The following NKAIN2 variants were observed in gnomAD, a reference collection of about 807,000 sequenced individuals.
NKAIN2 encodes sodium/potassium transporting ATPase interacting 2, also known as sodium/potassium-transporting ATPase subunit beta-1-interacting protein 2.
Under a neutral mutation model 32.6 loss-of-function variants are expected in NKAIN2, and 14 were observed. That is an observed-to-expected ratio of 0.43 (90% CI 0.28 to 0.67). The LOEUF (loss-of-function observed/expected upper bound fraction) is 0.67. NKAIN2 is among the 30% of genes least tolerant of loss of function. NKAIN2 has a pLI of 0.17. For synonymous variants in NKAIN2, 80 were observed against 87.2 expected (o/e 0.92, Z 0.46); for missense variants, 198 against 258.3 (o/e 0.77, Z 1.60).
rs1780405745 is a variant in NKAIN2, at chr6:124,804,115, C to T, written c.535+12716C>T. On this transcript the variant is annotated intron_variant, in intron 5 of 6. Coordinates refer to ENST00000368417, the MANE Select transcript of NKAIN2 (RefSeq NM_001040214.3). The stretch of plus-strand genomic sequence containing the variant: ...CACAGGTCTTCTGACTCCAAAGCCC[C>T]CCATCTTGATGCTACCAAACAGATT... Among the ~76,000 whole-genome samples the T allele has an allele frequency of 2.0e-5, 3 of 152,108 alleles. No individual in the cohort carries two copies. In the South Asian group the frequency reaches 6.2e-4, roughly 32 times the overall value.
intron 1 of NKAIN2, among the ~76,000 whole-genome samples, chr6:124,129,026 C>T (rs1164174101): frequency 6.6e-6 from 1 of 152,128 alleles, no homozygotes; most frequent in African/African-American, 2.4e-5. Context: ...CTCCAGGTGA[C>T]AGTAATACTG....
At position 124,717,925 on chromosome 6, in the gene NKAIN2, A is replaced by T. The variant is rs527976226; in HGVS notation, c.474+59539A>T. Among the ~76,000 whole-genome samples, 3 of 152,308 alleles carry T rather than the reference A, an allele frequency of 2.0e-5. No homozygotes were observed. In the East Asian group the frequency reaches 5.8e-4, roughly 29 times the overall value. ...TAGTTGCTATTCTGGAGGAGGTGTT[A>T]TCCCCAGGCATATTCAAAAGAAAAC... On this transcript the variant is annotated intron_variant, in intron 4 of 6. Transcript: ENST00000368417.
intron 4 of NKAIN2, among the ~76,000 whole-genome samples, chr6:124,700,880 A>ACACC (rs1275378683): frequency 1.0e-4 from 15 of 150,730 alleles, no homozygotes; most frequent in South Asian, 6.3e-4. Context: ...TGACACACAC[A>ACACC]CACACACACA....
At chr6:123,933,034 T>C (rs181549811) in intron 1 of NKAIN2, among the ~76,000 whole-genome samples, 3 of 152,282 alleles carry the variant, frequency 2.0e-5, no homozygotes, top group Non-Finnish European at 4.4e-5. Context: ...TGTCTGTCTG[T>C]TACCAACATC....
chr6:124,164,710 G>C (rs1375356164), intron 1 of NKAIN2, among the ~76,000 whole-genome samples: 2 of 151,808 alleles, frequency 1.3e-5, no homozygotes, highest in Non-Finnish European at 2.9e-5. Context: ...AAGTAGTGTG[G>C]GCTTAACTAT....
chr6:124,599,614 G>A (rs1229862373), intron 3 of NKAIN2, among the ~76,000 whole-genome samples: 1 of 152,144 alleles, frequency 6.6e-6, no homozygotes, highest in Non-Finnish European at 1.5e-5. Context: ...TACTTCTTGG[G>A]TGAAGGCTAG....
intron 1 of NKAIN2, among the ~76,000 whole-genome samples, chr6:124,279,950 C>T (rs1450227461): frequency 6.6e-6 from 1 of 152,014 alleles, no homozygotes; most frequent in African/African-American, 2.4e-5. Flanking sequence ...TTTGTGGTAG[C>T]AAAGAATTGA....
chr6:124,305,502 A>T (rs1377472918), intron 2 of NKAIN2, among the ~76,000 whole-genome samples: 1 of 152,182 alleles, frequency 6.6e-6, no homozygotes, highest in African/African-American at 2.4e-5. Context: ...TAATACAAGG[A>T]TGCCTTCCTT....
intron 3 of NKAIN2, among the ~76,000 whole-genome samples, chr6:124,383,776 A>C (rs17051763): frequency 0.24 from 37,078 of 151,996 alleles, 6,267 homozygotes; most frequent in African/African-American, 0.49. Context: ...AAGCTTGGAC[A>C]ATCAGCTAGC....
At chr6:123,925,331 A>G (rs773568882) in intron 1 of NKAIN2, among the ~76,000 whole-genome samples, 1 of 152,226 alleles carries the variant, frequency 6.6e-6, no homozygotes. Flanking sequence ...CCAAATAAAA[A>G]GGCACTGGAT....
chr6:123,963,270 G>C (rs774388169), intron 1 of NKAIN2, among the ~76,000 whole-genome samples: 28 of 152,098 alleles, frequency 1.8e-4, no homozygotes, highest in Non-Finnish European at 2.9e-4. Flanking sequence ...AAATAAAAGA[G>C]GGAAAGGTGA....
At chr6:123,954,904 C>T (rs1777496347) in intron 1 of NKAIN2, among the ~76,000 whole-genome samples, 1 of 152,032 alleles carries the variant, frequency 6.6e-6, no homozygotes, top group Admixed American at 6.6e-5. Flanking sequence ...GTGAAGGAAG[C>T]TGTCAGCAGA....
intron 3 of NKAIN2, among the ~76,000 whole-genome samples, chr6:124,589,741 A>G (rs1423362052): frequency 2.0e-5 from 3 of 152,120 alleles, no homozygotes; most frequent in Non-Finnish European, 1.5e-5. Context: ...TACATGTGCC[A>G]TGGTGGTTTG....
chr6:124,748,853 TA>T (rs5879757), intron 4 of NKAIN2, among the ~76,000 whole-genome samples: 9 of 148,312 alleles, frequency 6.1e-5, no homozygotes, highest in Admixed American at 2.0e-4. Context: ...ACTTCTAATT[TA>T]AAAAAAAAAA....
intron 3 of NKAIN2, among the ~76,000 whole-genome samples, chr6:124,608,645 A>C (rs1782581746): frequency 6.6e-6 from 1 of 152,170 alleles, no homozygotes. Context: ...CTAGAAACTC[A>C]AATATTGATG....
chr6:124,082,110 G>A (rs1285776136), intron 1 of NKAIN2, among the ~76,000 whole-genome samples: 2 of 152,060 alleles, frequency 1.3e-5, no homozygotes, highest in Non-Finnish European at 1.5e-5. Context: ...CTTGGCGCAT[G>A]GGTGGCATGA....
At chr6:124,178,995 A>G (rs1053859133) in intron 1 of NKAIN2, among the ~76,000 whole-genome samples, 3 of 152,214 alleles carry the variant, frequency 2.0e-5, no homozygotes, top group African/African-American at 7.2e-5. Flanking sequence ...AGCACAGTGA[A>G]TTTGGTAATT....
chr6:123,995,306 G>A (rs974490775), intron 1 of NKAIN2, among the ~76,000 whole-genome samples: 3 of 152,134 alleles, frequency 2.0e-5, no homozygotes, highest in Non-Finnish European at 2.9e-5. Context: ...TACCAAAAAC[G>A]AGAGAGAATA....
intron 3 of NKAIN2, among the ~76,000 whole-genome samples, chr6:124,610,629 A>T (rs1430821112): frequency 6.6e-6 from 1 of 152,182 alleles, no homozygotes; most frequent in East Asian, 1.9e-4. Context: ...TCTGGGTTTG[A>T]CACTAGTTTT....
Sources: gnomAD v4.1 joint callset for allele counts (sites outside exome capture counted in the v4.1 genomes callset) on GRCh38, gnomAD v4.1.1 for gene constraint, MANE v1.5 for transcripts, NCBI Gene and HGNC (gene_info 2026-07-23, HGNC 2026-07-21) for gene names.